The following CLSTN2 variants were observed in gnomAD, a reference collection of about 807,000 sequenced individuals.
CLSTN2 encodes the protein calsyntenin-2.
CLSTN2 carries 48 observed loss-of-function variants against 101.2 expected under a neutral mutation model. The ratio of observed to expected loss-of-function variants is 0.47; its 90% CI spans 0.38 to 0.60. The LOEUF is 0.60. Among genes scored for constraint, CLSTN2 ranks in the 20% least tolerant of loss-of-function variants. The probability of loss-of-function intolerance (pLI) is 0.00; values close to 1 mark genes in which losing one functional copy is unlikely to be tolerated. For missense variants in CLSTN2, 1,160 were observed against 1,238.2 expected, an observed-to-expected ratio of 0.94 and a Z score of 0.95; for synonymous variants, 481 against 463.6, an observed-to-expected ratio of 1.04 and a Z score of -0.48.
chr3:140,113,872 G>A (rs1316969), intron 1 of CLSTN2, among the ~76,000 whole-genome samples: 3,420 of 152,244 alleles, frequency 0.022, 52 homozygotes, highest in African/African-American at 0.027. Flanking sequence ...ATGTGTATAC[G>A]TGTGTGTGAT....
chr3:140,485,651 A>C (rs1214455503), intron 8 of CLSTN2, among the ~76,000 whole-genome samples: 1 of 152,082 alleles, frequency 6.6e-6, no homozygotes, highest in East Asian at 1.9e-4. Context: ...AAGCCTCGGC[A>C]ATGGCAGGCA....
chr3:139,989,283 G>A (rs1019158137), intron 1 of CLSTN2, among the ~76,000 whole-genome samples: 3 of 152,136 alleles, frequency 2.0e-5, no homozygotes, highest in Non-Finnish European at 4.4e-5. Context: ...TACTGCAGGG[G>A]CAGGGTACCC....
intron 2 of CLSTN2, among the ~76,000 whole-genome samples, chr3:140,222,004 A>C (rs1217144108): frequency 6.6e-6 from 1 of 152,130 alleles, no homozygotes; most frequent in African/African-American, 2.4e-5. Flanking sequence ...TATATCAGAG[A>C]GATGTCTGTT....
rs191210204 is a variant in CLSTN2, at chr3:140,458,745, C to T, written c.974-776C>T. Among the ~76,000 whole-genome samples, 60 of 152,322 alleles carry T rather than the reference C, an allele frequency of 3.9e-4. 1 individual carries two copies. The highest frequency in any genetic ancestry group is 1.4e-3 in the African/African-American group (59 of 41,572). On this transcript the variant is annotated intron_variant, in intron 6 of 16. Transcript: ENST00000458420. ...ATAGCTAACACTGAGTGAACCTTCG[C>T]CATGCAGCGAGCATGCTACTGCAAG... is the stretch of plus-strand genomic sequence containing the variant.
chr3:140,218,090 CA>C (rs746932014), intron 2 of CLSTN2, among the ~76,000 whole-genome samples: 2 of 152,136 alleles, frequency 1.3e-5, no homozygotes, highest in African/African-American at 2.4e-5. Flanking sequence ...GGAAGTAAAA[CA>C]AAACTGAATG....
At chr3:140,183,868 T>C (rs185792167) in intron 2 of CLSTN2, among the ~76,000 whole-genome samples, 1 of 152,372 alleles carries the variant, frequency 6.6e-6, no homozygotes, top group East Asian at 1.9e-4. Context: ...AGTCAGATTA[T>C]ATAATTTGCC....
intron 2 of CLSTN2, among the ~76,000 whole-genome samples, chr3:140,233,404 T>C (rs947179452): frequency 6.6e-6 from 1 of 152,164 alleles, no homozygotes; most frequent in Non-Finnish European, 1.5e-5. Flanking sequence ...CCCATGGCTA[T>C]CTCCATTCCA....
intron 1 of CLSTN2, among the ~76,000 whole-genome samples, chr3:140,001,151 A>C (rs971735829): frequency 1.3e-5 from 2 of 152,232 alleles, no homozygotes; most frequent in African/African-American, 4.8e-5. Flanking sequence ...ATAAGTAAGG[A>C]GGCTGAAGTT....
At chr3:140,131,230 T>C (rs2009518323) in intron 1 of CLSTN2, among the ~76,000 whole-genome samples, 1 of 152,046 alleles carries the variant, frequency 6.6e-6, no homozygotes, top group Non-Finnish European at 1.5e-5. Context: ...CTGCTTGGGT[T>C]CTTATGATAC....
chr3:140,228,758 G>A (rs896913719), intron 2 of CLSTN2, among the ~76,000 whole-genome samples: 1 of 152,198 alleles, frequency 6.6e-6, no homozygotes, highest in Non-Finnish European at 1.5e-5. Context: ...ATGGCTGCAG[G>A]CAGAGAGAGT....
intron 5 of CLSTN2, among the ~76,000 whole-genome samples, chr3:140,446,989 G>T (rs936885489): frequency 6.6e-6 from 1 of 152,140 alleles, no homozygotes; most frequent in Non-Finnish European, 1.5e-5. Context: ...TGAACAAATG[G>T]TTGCTCAGTG....
chr3:140,139,523 C>T (rs1560106808), intron 1 of CLSTN2, among the ~76,000 whole-genome samples: 1 of 152,304 alleles, frequency 6.6e-6, no homozygotes, highest in East Asian at 1.9e-4. Flanking sequence ...TTCCTTCCTG[C>T]ATCTCACCTC....
intron 8 of CLSTN2, among the ~76,000 whole-genome samples, chr3:140,502,436 G>GTCTT (rs543843443): frequency 3.6e-4 from 55 of 152,330 alleles, no homozygotes; most frequent in Admixed American, 2.8e-3. Context: ...AGCTTGGGGA[G>GTCTT]TCTTAGGCAT....
intron 1 of CLSTN2, among the ~76,000 whole-genome samples, chr3:140,039,935 T>C (rs2007728422): frequency 6.6e-6 from 1 of 152,214 alleles, no homozygotes; most frequent in Non-Finnish European, 1.5e-5. Flanking sequence ...CTAAGTTATT[T>C]TGAGTTAAAT....
intron 2 of CLSTN2, among the ~76,000 whole-genome samples, chr3:140,211,608 A>G (rs1461288189): frequency 6.6e-6 from 1 of 150,942 alleles, no homozygotes; most frequent in Non-Finnish European, 1.5e-5. Flanking sequence ...AAACATATTC[A>G]TTTAATCCTC....
intron 1 of CLSTN2, among the ~76,000 whole-genome samples, chr3:140,002,566 G>A (rs1274767738): frequency 6.6e-6 from 1 of 152,036 alleles, no homozygotes; most frequent in Non-Finnish European, 1.5e-5. Flanking sequence ...TTAATTTGAT[G>A]TGATCTCATT....
At chr3:140,146,768 A>G (rs1033901163) in intron 1 of CLSTN2, among the ~76,000 whole-genome samples, 4 of 152,304 alleles carry the variant, frequency 2.6e-5, no homozygotes, top group African/African-American at 9.6e-5. Flanking sequence ...TCAGTCCAGA[A>G]CCAGAGACTT....
intron 9 of CLSTN2, among the ~76,000 whole-genome samples, chr3:140,546,207 G>A (rs1462550231): frequency 2.0e-5 from 3 of 152,218 alleles, no homozygotes; most frequent in Admixed American, 6.5e-5. Context: ...TTTAATCAGT[G>A]ACACCTTCTC....
intron 2 of CLSTN2, among the ~76,000 whole-genome samples, chr3:140,328,279 C>A (rs9832534): frequency 1.3e-5 from 2 of 151,936 alleles, no homozygotes; most frequent in Non-Finnish European, 2.9e-5. Flanking sequence ...GACCACACAC[C>A]ACGATAATCA....
Sources: gnomAD v4.1 joint callset for allele counts (sites outside exome capture counted in the v4.1 genomes callset) on GRCh38, gnomAD v4.1.1 for gene constraint, MANE v1.5 for transcripts, NCBI Gene and HGNC (gene_info 2026-07-23, HGNC 2026-07-21) for gene names.